The following RNF180 variants were observed in gnomAD, a reference collection of about 807,000 sequenced individuals.
The protein encoded by RNF180 is E3 ubiquitin-protein ligase RNF180.
In RNF180, 38 loss-of-function variants were observed where a neutral mutation model predicts 59.2. That is an observed-to-expected ratio of 0.64 (90% CI 0.50 to 0.84). RNF180 has a LOEUF of 0.84. Among genes scored for constraint, RNF180 ranks in the 40% least tolerant of loss-of-function variants. RNF180 has a pLI of 0.00. For synonymous variants in RNF180, 262 were observed against 240.3 expected (o/e 1.09, Z -0.84); for missense variants, 705 against 700.9 (o/e 1.01, Z -0.07).
At chr5:64,353,199 T>C (rs1165355395) in intron 7 of RNF180, among the ~76,000 whole-genome samples, 1 of 151,842 alleles carries the variant, frequency 6.6e-6, no homozygotes, top group Non-Finnish European at 1.5e-5. Context: ...TTATTCTGTA[T>C]TCCATATTAA....
At chr5:64,169,160 G>A (rs145405551) in intron 1 of RNF180, among the ~76,000 whole-genome samples, 7 of 152,154 alleles carry the variant, frequency 4.6e-5, no homozygotes, top group African/African-American at 1.4e-4. Context: ...TGATTATGTG[G>A]CACTGAGCAT....
chr5:64,176,975 T>C (rs2111912751), intron 1 of RNF180, among the ~76,000 whole-genome samples: 1 of 152,324 alleles, frequency 6.6e-6, no homozygotes, highest in South Asian at 2.1e-4. Context: ...TTGGGGGCTG[T>C]CTACTCAAAG....
At chr5:64,340,147 T>C (rs1745302037) in intron 7 of RNF180, among the ~76,000 whole-genome samples, 1 of 152,182 alleles carries the variant, frequency 6.6e-6, no homozygotes, top group South Asian at 2.1e-4. Context: ...ATTACATGCA[T>C]ATGTATACAC....
intron 7 of RNF180, among the ~76,000 whole-genome samples, chr5:64,339,703 T>TCAC (rs2112560716): frequency 6.6e-6 from 1 of 152,162 alleles, no homozygotes; most frequent in East Asian, 1.9e-4. Context: ...GTTTTTTTTT[T>TCAC]TCACACACAC....
intron 5 of RNF180, among the ~76,000 whole-genome samples, chr5:64,235,995 A>T (rs1231210843): frequency 6.6e-6 from 1 of 152,190 alleles, no homozygotes; most frequent in African/African-American, 2.4e-5. Flanking sequence ...TAATACAGAG[A>T]ATTGGTACGA....
chr5:64,250,034 G>A (rs56108085), intron 5 of RNF180, among the ~76,000 whole-genome samples: 15,421 of 152,118 alleles, frequency 0.1, 885 homozygotes, highest in South Asian at 0.17. Context: ...ACTGCACATG[G>A]AACATTCTCC....
intron 5 of RNF180, among the ~76,000 whole-genome samples, chr5:64,247,396 A>T (rs1743252005): frequency 6.6e-6 from 1 of 152,246 alleles, no homozygotes; most frequent in Non-Finnish European, 1.5e-5. Context: ...CCTTAAGCTT[A>T]TAAGCAACTT....
chr5:64,168,469 C>T (rs915503475), intron 1 of RNF180, among the ~76,000 whole-genome samples: 1 of 152,182 alleles, frequency 6.6e-6, no homozygotes, highest in African/African-American at 2.4e-5. Context: ...TGTATGTGCA[C>T]ATTTGCATGT....
intron 7 of RNF180, among the ~76,000 whole-genome samples, chr5:64,331,858 G>T (rs1744924443): frequency 6.6e-6 from 1 of 152,110 alleles, no homozygotes; most frequent in Non-Finnish European, 1.5e-5. Context: ...CCCTCCTTGG[G>T]GTTCTGCAGT....
Position 64,342,431 on chromosome 5 carries a change from G to T in RNF180, c.1579+12025G>T, listed in dbSNP as rs114544038. Among the ~76,000 whole-genome samples, 708 of 152,218 alleles carry T rather than the reference G, an allele frequency of 4.7e-3. 5 individuals are homozygous for T. The highest frequency in any genetic ancestry group is 0.016 in the African/African-American group (685 of 41,560). On this transcript the variant is annotated intron_variant, in intron 7 of 7. Coordinates refer to ENST00000389100, the MANE Select transcript of RNF180 (RefSeq NM_001113561.2). ...GATAACCATAGAGACTGACATGTCG[G>T]ATTGGAAGAGGAGTCCAAACATATA...
At chr5:64,270,590 G>A (rs984689730) in intron 5 of RNF180, among the ~76,000 whole-genome samples, 1 of 152,090 alleles carries the variant, frequency 6.6e-6, no homozygotes, top group Non-Finnish European at 1.5e-5. Flanking sequence ...CCATTGTGCT[G>A]ATAAGTACAT....
chr5:64,273,002 A>G (rs945793152), intron 5 of RNF180, among the ~76,000 whole-genome samples: 2 of 151,958 alleles, frequency 1.3e-5, no homozygotes, highest in South Asian at 2.1e-4. Context: ...GTTTATCTGT[A>G]TACAAATATT....
chr5:64,348,433 A>G (rs1745640223), intron 7 of RNF180, among the ~76,000 whole-genome samples: 1 of 152,080 alleles, frequency 6.6e-6, no homozygotes, highest in Middle Eastern at 3.2e-3. Flanking sequence ...TTCACACATA[A>G]AGGATAGGTT....
chr5:64,319,374 C>T (rs1254580024), intron 5 of RNF180, among the ~76,000 whole-genome samples: 1 of 151,936 alleles, frequency 6.6e-6, no homozygotes, highest in Non-Finnish European at 1.5e-5. Context: ...ATGTACTATA[C>T]ATTATACTAT....
intron 5 of RNF180, among the ~76,000 whole-genome samples, chr5:64,298,166 T>C (rs1271873572): frequency 6.6e-6 from 1 of 152,106 alleles, no homozygotes; most frequent in Non-Finnish European, 1.5e-5. Context: ...GGCCTCCAGC[T>C]CCATCGATGT....
In RNF180 at chr5:64,213,669, C is replaced by G. The variant is rs775230760; in HGVS notation, c.343C>G (p.Leu115Val). ...CTGTGGCCAGCTTGCAGCTGTACAT[C>G]TCTCCAAGAGCCGGACTGATTATCA... ...CSCGQLAAVH[L>V]SKSRTDYQPT... is the part of the protein sequence containing the mutation. Residue 115 changes from leucine to valine, a missense_variant, in exon 4 of 8, where the codon CTC (leucine) becomes GTC (valine). Physicochemically the swap from Leu to Val is conservative, Grantham distance 32. Transcript: ENST00000389100. 6.2e-7 allele frequency: 1 copy of G among 1,614,152 alleles called. No homozygotes were observed. Among genetic ancestry groups the G allele is most frequent in the South Asian group, 1.1e-5 (1 of 91,086 alleles).
intron 7 of RNF180, among the ~76,000 whole-genome samples, chr5:64,362,531 T>C (rs544668257): frequency 6.6e-6 from 1 of 152,028 alleles, no homozygotes; most frequent in South Asian, 2.1e-4. Flanking sequence ...CTATTGTGAA[T>C]AGTGCTGCAA....
At chr5:64,235,729 G>A (rs747023234) in intron 5 of RNF180, among the ~76,000 whole-genome samples, 1 of 152,110 alleles carries the variant, frequency 6.6e-6, no homozygotes, top group Non-Finnish European at 1.5e-5. Flanking sequence ...TGGATAATGG[G>A]AGTGGATTTC....
chr5:64,345,585 T>TTCA (rs1745521395), intron 7 of RNF180, among the ~76,000 whole-genome samples: 1 of 152,210 alleles, frequency 6.6e-6, no homozygotes, highest in Admixed American at 6.5e-5. Flanking sequence ...AATTTCTTAG[T>TTCA]GAAATTTTCC....
Sources: gnomAD v4.1 joint callset for allele counts (sites outside exome capture counted in the v4.1 genomes callset) on GRCh38, gnomAD v4.1.1 for gene constraint, MANE v1.5 for transcripts, NCBI Gene and HGNC (gene_info 2026-07-23, HGNC 2026-07-21) for gene names.